The following ZNF236 variants were observed in gnomAD, a reference collection of about 807,000 sequenced individuals.
ZNF236 encodes the protein regulated by glucose.
A neutral mutation model predicts 191.2 loss-of-function variants in ZNF236; 50 were observed. The observed-to-expected ratio is 0.26, with a 90% CI of 0.21 to 0.33. The LOEUF is 0.33. Ranked by LOEUF, ZNF236 falls within the 10% of genes least tolerant of loss-of-function variation. The pLI is 1.00. For synonymous variants in ZNF236, 907 were observed against 928.8 expected (o/e 0.98, Z 0.43); for missense variants, 1,754 against 2,374.5 (o/e 0.74, Z 5.43).
intron 1 of ZNF236, among the ~76,000 whole-genome samples, chr18:76,825,018 C>G (rs940049015): frequency 2.0e-5 from 3 of 152,218 alleles, no homozygotes; most frequent in African/African-American, 7.2e-5. Flanking sequence ...ATCCCTTTAA[C>G]AGAAACCCAT....
chr18:76,846,095 T>C (rs1367619159), intron 1 of ZNF236, among the ~76,000 whole-genome samples: 1 of 152,052 alleles, frequency 6.6e-6, no homozygotes, highest in Non-Finnish European at 1.5e-5. Flanking sequence ...AAAGCCCTTA[T>C]CTAAGGATGC....
chr18:76,966,189 C>G (rs1373465512), intron 30 of ZNF236, among the ~76,000 whole-genome samples: 2 of 152,170 alleles, frequency 1.3e-5, no homozygotes. Context: ...ACAATGTGAG[C>G]CTCCTCATGC....
At chr18:76,823,220 A>C (rs377682364) in intron 1 of ZNF236, among the ~76,000 whole-genome samples, 3 of 152,138 alleles carry the variant, frequency 2.0e-5, no homozygotes, top group African/African-American at 7.2e-5. Flanking sequence ...AGTAGGCGCC[A>C]GCGTTGTCCG....
chr18:76,865,317 A>C (rs559789856), intron 3 of ZNF236, among the ~76,000 whole-genome samples: 1 of 152,202 alleles, frequency 6.6e-6, no homozygotes, highest in Non-Finnish European at 1.5e-5. Flanking sequence ...AGCCTGGGCC[A>C]CAAGAGTGAA....
intron 15 of ZNF236, 55 bp downstream of exon 15, chr18:76,910,224 TA>T: frequency 1.4e-6 from 2 of 1,423,584 alleles, no homozygotes; most frequent in South Asian, 2.3e-5. Context: ...CAGTTGAATT[TA>T]ATCTCATGAC....
At chr18:76,966,645 C>A (rs1337976275) in intron 30 of ZNF236, among the ~76,000 whole-genome samples, 1 of 152,210 alleles carries the variant, frequency 6.6e-6, no homozygotes, top group Non-Finnish European at 1.5e-5. Context: ...AGAATCTGCA[C>A]CAACTGCTCC....
chr18:76,910,639 C>T (rs1967192896), intron 15 of ZNF236, 21 bp from the exon 16 acceptor site: 1 of 1,602,530 alleles, frequency 6.2e-7, no homozygotes, highest in African/African-American at 1.3e-5. Context: ...TGTAGAACTC[C>T]TCTTTTCTAA....
chr18:76,958,099 C>T (rs950765504), intron 28 of ZNF236, among the ~76,000 whole-genome samples: 7 of 152,202 alleles, frequency 4.6e-5, no homozygotes, highest in African/African-American at 1.7e-4. Context: ...CCACCAACTT[C>T]AGGGCACAAC....
intron 30 of ZNF236, among the ~76,000 whole-genome samples, chr18:76,967,880 C>T (rs145498618): frequency 2.6e-5 from 4 of 152,086 alleles, no homozygotes; most frequent in South Asian, 2.1e-4. Context: ...TTCTCTTTAA[C>T]GTCTACACTG....
At position 76,960,124 on chromosome 18, in the gene ZNF236, C is replaced by T. The variant is rs1016098376; in HGVS notation, c.5242+308C>T. ...CCTTCTGCTGGAGCAAACAGGCGGC[C>T]CCCAGTGCCTGGGTCCCATGTCCTC... On this transcript the variant is annotated intron_variant, in intron 29 of 30. Transcript: ENST00000320610. This position sits in a 1 kb window ranked among gnomAD's most constrained non-coding sequence, Gnocchi z 4.4. Among the ~76,000 whole-genome samples, 1 of 152,156 alleles carries T rather than the reference C, an allele frequency of 6.6e-6. No homozygotes were observed. Among genetic ancestry groups the T allele is most frequent in the Non-Finnish European group, 1.5e-5 (1 of 68,028 alleles).
chr18:76,924,219 G>A (rs954905550), intron 21 of ZNF236, among the ~76,000 whole-genome samples: 2 of 152,128 alleles, frequency 1.3e-5, no homozygotes, highest in South Asian at 2.1e-4. Context: ...TGGAGGGCCC[G>A]GCATCACTTA....
chr18:76,827,435 G>A (rs1975050428), intron 1 of ZNF236, among the ~76,000 whole-genome samples: 1 of 151,988 alleles, frequency 6.6e-6, no homozygotes, highest in Admixed American at 6.6e-5. Context: ...ATCCCCCCAC[G>A]TGGCCTCCCA....
chr18:76,897,770 A>G (rs1023258812), intron 10 of ZNF236, among the ~76,000 whole-genome samples: 1 of 151,836 alleles, frequency 6.6e-6, no homozygotes, highest in Non-Finnish European at 1.5e-5. Context: ...AACTGCCAAT[A>G]GGTACTGCAC....
At chr18:76,834,035 A>G (rs1599311647) in intron 1 of ZNF236, among the ~76,000 whole-genome samples, 1 of 152,090 alleles carries the variant, frequency 6.6e-6, no homozygotes. Context: ...TCTTTAGTAT[A>G]TATAAGACAA....
Position 76,905,219 on chromosome 18 carries a change from G to A in ZNF236, c.2101G>A (p.Val701Met), listed in dbSNP as rs1470175148. The change falls in exon 13 of 31, where the codon GTG (valine) becomes ATG (methionine). Residue 701 changes from valine to methionine, a missense_variant. Val to Met is a conservative substitution (Grantham distance 21). Transcript: ENST00000320610. ...TGGAAGAGGCTTTGTTTCTGCAGGC[G>A]TGCTCAAAGCACACATCAGAACACA... ...QCGRGFVSAG[V>M]LKAHIRTHTG... is the part of the protein sequence containing the mutation. 10 of 1,613,938 alleles carry A rather than the reference G, an allele frequency of 6.2e-6. No homozygotes were observed. Among genetic ancestry groups the A allele is most frequent in the South Asian group, 3.3e-5 (3 of 91,078 alleles).
chr18:76,851,940 G>A lies in ZNF236; in HGVS notation c.363+1G>A. ...TATTATGCTACATGAAAAGGAAGAG[G>A]TAATCATCATCATTTTGCATATACT... On this transcript the variant is annotated splice_donor_variant, in intron 3 of 30. Coordinates refer to ENST00000320610, the MANE Select transcript of ZNF236 (RefSeq NM_001306089.2). LOFTEE classifies it high-confidence loss of function. The A allele has an allele frequency of 6.2e-7, 1 of 1,603,766 alleles. No individual in the cohort carries two copies. The highest frequency in any genetic ancestry group is 8.5e-7 in the Non-Finnish European group (1 of 1,175,038).
chr18:76,884,800 C>A (rs1345467901), intron 9 of ZNF236: 1 of 152,142 alleles, frequency 6.6e-6, no homozygotes, highest in African/African-American at 2.4e-5. Flanking sequence ...CCACGTTCTT[C>A]TTTTGTTGTT....
chr18:76,824,867 G>A (rs1029760758), intron 1 of ZNF236, among the ~76,000 whole-genome samples: 4 of 152,244 alleles, frequency 2.6e-5, no homozygotes, highest in African/African-American at 9.6e-5. Context: ...TCTCCGGGCT[G>A]GAGAGCTGCA....
At chr18:76,928,720 C>T (rs905391247) in intron 25 of ZNF236, among the ~76,000 whole-genome samples, 3 of 152,070 alleles carry the variant, frequency 2.0e-5, no homozygotes, top group Non-Finnish European at 4.4e-5. Context: ...TTGGTCCTTA[C>T]GTATCATTAA....
Sources: allele counts gnomAD v4.1 joint callset (sites outside exome capture counted in the v4.1 genomes callset), GRCh38; gene constraint gnomAD v4.1.1; non-coding constraint Gnocchi (gnomAD v3.1); transcripts MANE v1.5; gene names NCBI Gene and HGNC (gene_info 2026-07-23, HGNC 2026-07-21).